HMGCLL1: variants seen among roughly 807,000 people sequenced by gnomAD.
The protein encoded by HMGCLL1 is 3-hydroxy-3-methylglutaryl-CoA lyase like 1.
In HMGCLL1, 36 loss-of-function variants were observed where a neutral mutation model predicts 39.1. That is an observed-to-expected ratio of 0.92 (90% CI 0.71 to 1.22). The LOEUF is 1.22. Ranked by LOEUF, HMGCLL1 falls within the 50% of genes most tolerant of loss-of-function variation. The probability of loss-of-function intolerance (pLI) is 0.00; values close to 1 mark genes in which losing one functional copy is unlikely to be tolerated. For synonymous variants in HMGCLL1, 149 were observed against 144.0 expected, an observed-to-expected ratio of 1.03 and a Z score of -0.25; for missense variants, 451 against 416.5, an observed-to-expected ratio of 1.08 and a Z score of -0.72.
chr6:55,580,415 T>TTTC (rs1222784528), upstream of HMGCLL1, among the ~76,000 whole-genome samples: 1 of 119,162 alleles, frequency 8.4e-6, no homozygotes, highest in Non-Finnish European at 1.8e-5. Flanking sequence ...TCTTTTTTTT[T>TTTC]TTTTTTTTTT....
intron 7 of HMGCLL1, among the ~76,000 whole-genome samples, chr6:55,483,347 C>T (rs1329812914): frequency 6.6e-6 from 1 of 152,144 alleles, no homozygotes; most frequent in Non-Finnish European, 1.5e-5. Flanking sequence ...CTCACTGCAA[C>T]CTCTGCCTCC....
upstream of HMGCLL1, among the ~76,000 whole-genome samples, chr6:55,582,536 C>A (rs1325298862): frequency 6.6e-6 from 1 of 152,148 alleles, no homozygotes; most frequent in African/African-American, 2.4e-5. Context: ...AGACTCTTAG[C>A]AGTCTTTGCA....
At chr6:55,644,962 G>A in the HMGCLL1 span, among the ~76,000 whole-genome samples, 28 of 152,060 alleles carry the variant, frequency 1.8e-4, no homozygotes, top group East Asian at 4.8e-3. Context: ...GATAGGGATT[G>A]CACTGAATCT....
chr6:55,622,918 A>G, the HMGCLL1 span, among the ~76,000 whole-genome samples: 2 of 151,944 alleles, frequency 1.3e-5, no homozygotes, highest in African/African-American at 4.8e-5. Flanking sequence ...GAGACTTTTT[A>G]TTATGGCTTT....
intron 7 of HMGCLL1, among the ~76,000 whole-genome samples, chr6:55,443,556 A>T (rs977669013): frequency 1.2e-4 from 18 of 152,158 alleles, no homozygotes; most frequent in African/African-American, 4.3e-4. Context: ...CTAAAGGCCA[A>T]TGTAACCTAT....
chr6:55,538,904 A>C (rs1430320202), intron 3 of HMGCLL1, among the ~76,000 whole-genome samples: 2 of 152,150 alleles, frequency 1.3e-5, no homozygotes, highest in East Asian at 1.9e-4. Flanking sequence ...TCTTTTGAGG[A>C]TAAATAAAAG....
the HMGCLL1 span, among the ~76,000 whole-genome samples, chr6:55,637,683 C>T: frequency 2.0e-5 from 3 of 151,132 alleles, no homozygotes; most frequent in African/African-American, 7.3e-5. Context: ...AAATTATATA[C>T]ATTCCCCTGG....
chr6:55,605,001 T>C, the HMGCLL1 span, among the ~76,000 whole-genome samples: 1 of 152,216 alleles, frequency 6.6e-6, no homozygotes, highest in Non-Finnish European at 1.5e-5. Flanking sequence ...AAAATCATAA[T>C]GTGCTATGCA....
intron 7 of HMGCLL1, among the ~76,000 whole-genome samples, chr6:55,443,179 C>T (rs767759500): frequency 7.9e-5 from 12 of 152,166 alleles, no homozygotes; most frequent in Non-Finnish European, 1.2e-4. Context: ...TTTATCAATC[C>T]GGGGTATGGG....
chr6:55,601,231 G>T, the HMGCLL1 span, among the ~76,000 whole-genome samples: 2 of 152,096 alleles, frequency 1.3e-5, no homozygotes, highest in African/African-American at 2.4e-5. Flanking sequence ...GGCAGGCTTG[G>T]CTAGTCTTGG....
At chr6:55,618,775 T>C in the HMGCLL1 span, among the ~76,000 whole-genome samples, 2 of 152,120 alleles carry the variant, frequency 1.3e-5, no homozygotes, top group Non-Finnish European at 2.9e-5. Flanking sequence ...GAGATTTTAC[T>C]GAAATTTAAA....
At chr6:55,540,090 C>G (rs1241204313) in intron 3 of HMGCLL1, among the ~76,000 whole-genome samples, 1 of 145,854 alleles carries the variant, frequency 6.9e-6, no homozygotes, top group Non-Finnish European at 1.5e-5. Flanking sequence ...GAAAATATGA[C>G]TTTGTGAAAG....
chr6:55,446,642 T>C (rs1763853165), intron 7 of HMGCLL1, among the ~76,000 whole-genome samples: 1 of 152,014 alleles, frequency 6.6e-6, no homozygotes, highest in Non-Finnish European at 1.5e-5. Context: ...TGATTCTGTA[T>C]GATGTTCTAA....
intron 7 of HMGCLL1, among the ~76,000 whole-genome samples, chr6:55,462,213 T>A (rs1358550520): frequency 6.6e-6 from 1 of 152,200 alleles, no homozygotes; most frequent in Non-Finnish European, 1.5e-5. Context: ...ATGCTTACCT[T>A]TCTAAAACAT....
the HMGCLL1 span, among the ~76,000 whole-genome samples, chr6:55,625,125 C>T: frequency 2.0e-5 from 3 of 152,098 alleles, no homozygotes; most frequent in South Asian, 4.1e-4. Flanking sequence ...GAACAAGGCC[C>T]AGCCGTCTTC....
chr6:55,609,168 A>C, the HMGCLL1 span, among the ~76,000 whole-genome samples: 1 of 152,176 alleles, frequency 6.6e-6, no homozygotes, highest in South Asian at 2.1e-4. Context: ...CTAAAACAAC[A>C]GGGCTCCCTG....
At chr6:55,465,307 A>G (rs957388044) in intron 7 of HMGCLL1, among the ~76,000 whole-genome samples, 9 of 152,110 alleles carry the variant, frequency 5.9e-5, no homozygotes, top group African/African-American at 1.9e-4. Context: ...CATTAATTAT[A>G]TATATAGCCA....
intron 7 of HMGCLL1, among the ~76,000 whole-genome samples, chr6:55,453,248 G>C (rs1006307714): frequency 3.9e-5 from 6 of 152,056 alleles, no homozygotes; most frequent in African/African-American, 1.4e-4. Context: ...GTGCAATCTC[G>C]GCTCACTGCA....
intron 7 of HMGCLL1, among the ~76,000 whole-genome samples, chr6:55,460,571 C>A (rs993942728): frequency 6.6e-6 from 1 of 151,792 alleles, no homozygotes; most frequent in Non-Finnish European, 1.5e-5. Context: ...AATCACAATT[C>A]TAAATATTTT....
Sources: gnomAD v4.1 joint callset for allele counts (sites outside exome capture counted in the v4.1 genomes callset) on GRCh38, gnomAD v4.1.1 for gene constraint, MANE v1.5 for transcripts, NCBI Gene and HGNC (gene_info 2026-07-23, HGNC 2026-07-21) for gene names.